NALF1: variants seen among roughly 807,000 people sequenced by gnomAD.
NALF1 encodes family with sequence similarity 155 member A.
In NALF1, 3 loss-of-function variants were observed where a neutral mutation model predicts 48.4. That is an observed-to-expected ratio of 0.06 (90% CI 0.03 to 0.16). The LOEUF is 0.16. NALF1 is among the 10% of genes least tolerant of loss of function. The pLI, the probability that NALF1 is intolerant of heterozygous loss-of-function variation, is 1.00. For missense variants in NALF1, 526 were observed against 571.5 expected (o/e 0.92, Z 0.81); for synonymous variants, 262 against 245.7 (o/e 1.07, Z -0.62).
chr13:107,615,384 C>T (rs12429063), intron 1 of NALF1, among the ~76,000 whole-genome samples: 18,335 of 152,110 alleles, frequency 0.12, 1,575 homozygotes, highest in Admixed American at 0.21. Context: ...CCCTGCCTTT[C>T]GCATAATTAT....
intron 1 of NALF1, among the ~76,000 whole-genome samples, chr13:107,341,306 T>C (rs926574261): frequency 1.3e-5 from 2 of 152,024 alleles, no homozygotes; most frequent in African/African-American, 4.8e-5. Context: ...TAGAATGCAA[T>C]GGAGAGGCAC....
chr13:107,281,990 A>G (rs1288290028), intron 1 of NALF1, among the ~76,000 whole-genome samples: 2 of 152,202 alleles, frequency 1.3e-5, no homozygotes, highest in Admixed American at 6.5e-5. Context: ...ATTCAAGATG[A>G]GATTTTGGAT....
chr13:107,265,297 A>G (rs1264888075), intron 1 of NALF1, among the ~76,000 whole-genome samples: 1 of 152,230 alleles, frequency 6.6e-6, no homozygotes, highest in Non-Finnish European at 1.5e-5. Context: ...ATATTACAGA[A>G]TTTGGTTATT....
chr13:107,607,870 T>A (rs1285803887), intron 1 of NALF1, among the ~76,000 whole-genome samples: 4 of 152,192 alleles, frequency 2.6e-5, no homozygotes, highest in African/African-American at 9.7e-5. Context: ...ACCACACCTG[T>A]AACAGTGAAA....
intron 1 of NALF1, among the ~76,000 whole-genome samples, chr13:107,487,169 A>G (rs995824309): frequency 1.3e-5 from 2 of 152,162 alleles, no homozygotes; most frequent in African/African-American, 4.8e-5. Flanking sequence ...CATGTTTGCC[A>G]CAACACATAC....
At chr13:107,173,481 C>A (rs1311484645) in intron 2 of NALF1, among the ~76,000 whole-genome samples, 2 of 152,136 alleles carry the variant, frequency 1.3e-5, no homozygotes, top group Non-Finnish European at 2.9e-5. Context: ...CTCATTCAAC[C>A]CAAATGCATT....
At chr13:107,401,391 G>A (rs548602145) in intron 1 of NALF1, among the ~76,000 whole-genome samples, 3 of 152,242 alleles carry the variant, frequency 2.0e-5, no homozygotes, top group Non-Finnish European at 2.9e-5. Flanking sequence ...TTTGGCCAAC[G>A]TGGAAATCTT....
chr13:107,442,166 A>G (rs752496414), intron 1 of NALF1, among the ~76,000 whole-genome samples: 1 of 151,472 alleles, frequency 6.6e-6, no homozygotes, highest in Non-Finnish European at 1.5e-5. Flanking sequence ...TACCTGAAAA[A>G]CTCGTTAGGA....
At chr13:107,744,982 T>G (rs956013569) in intron 1 of NALF1, among the ~76,000 whole-genome samples, 67 of 152,334 alleles carry the variant, frequency 4.4e-4, no homozygotes, top group African/African-American at 1.6e-3. Flanking sequence ...CACAGGTTTT[T>G]CATTCTACTG....
intron 2 of NALF1, among the ~76,000 whole-genome samples, chr13:107,199,881 G>A (rs114043786): frequency 0.011 from 1,615 of 152,304 alleles, 25 homozygotes; most frequent in African/African-American, 0.037. Flanking sequence ...ACCCGTGGGC[G>A]GGAGCATTGC....
At chr13:107,582,070 C>T (rs546480872) in intron 1 of NALF1, among the ~76,000 whole-genome samples, 1 of 151,910 alleles carries the variant, frequency 6.6e-6, no homozygotes, top group Non-Finnish European at 1.5e-5. Flanking sequence ...GGTTGCTTAG[C>T]CAAAATCTCT....
intron 1 of NALF1, among the ~76,000 whole-genome samples, chr13:107,757,320 T>C (rs938049922): frequency 2.0e-5 from 3 of 151,948 alleles, no homozygotes; most frequent in Admixed American, 6.6e-5. Context: ...GTGGAAAATA[T>C]TGGACATTAT....
intron 1 of NALF1, among the ~76,000 whole-genome samples, chr13:107,846,676 G>T (rs949196989): frequency 3.2e-4 from 48 of 152,178 alleles, no homozygotes; most frequent in African/African-American, 7.7e-4. Context: ...TTGGTGAAAA[G>T]AAATAAATCT....
intron 1 of NALF1, among the ~76,000 whole-genome samples, chr13:107,750,747 C>T (rs1566467915): frequency 6.6e-6 from 1 of 152,074 alleles, no homozygotes; most frequent in African/African-American, 2.4e-5. Context: ...AAATAAAATA[C>T]CAAAATTGGA....
At chr13:107,850,441 T>C (rs1352939294) in intron 1 of NALF1, among the ~76,000 whole-genome samples, 1 of 152,246 alleles carries the variant, frequency 6.6e-6, no homozygotes, top group Non-Finnish European at 1.5e-5. Flanking sequence ...TATTGGTTTC[T>C]ATTATAAGTA....
chr13:107,290,338 G>A (rs528132908), intron 1 of NALF1, among the ~76,000 whole-genome samples: 8 of 152,132 alleles, frequency 5.3e-5, no homozygotes, highest in African/African-American at 1.2e-4. Flanking sequence ...AAAAGATGTC[G>A]ATACGGTTTG....
intron 1 of NALF1, among the ~76,000 whole-genome samples, chr13:107,673,116 G>A (rs1881030013): frequency 6.6e-6 from 1 of 152,092 alleles, no homozygotes; most frequent in Non-Finnish European, 1.5e-5. Flanking sequence ...CTGTATGGGT[G>A]CGGCTGCATG....
intron 1 of NALF1, among the ~76,000 whole-genome samples, chr13:107,628,642 C>T (rs1166697487): frequency 1.3e-5 from 2 of 152,030 alleles, no homozygotes; most frequent in East Asian, 1.9e-4. Flanking sequence ...TAAGCAATGC[C>T]GCCAATTCCC....
chr13:107,782,661 C>T (rs1233730039), intron 1 of NALF1, among the ~76,000 whole-genome samples: 8 of 151,612 alleles, frequency 5.3e-5, no homozygotes, highest in South Asian at 4.2e-4. Context: ...CGTCTCTGCC[C>T]GGCCGGCCAT....
Sources: gnomAD v4.1 joint callset for allele counts (sites outside exome capture counted in the v4.1 genomes callset) on GRCh38, gnomAD v4.1.1 for gene constraint, MANE v1.5 for transcripts, NCBI Gene and HGNC (gene_info 2026-07-23, HGNC 2026-07-21) for gene names.